ADCY5: variants seen among roughly 807,000 people sequenced by gnomAD.
The protein encoded by ADCY5 is adenylate cyclase 5, also known as adenylate cyclase type 5.
ADCY5 carries 30 observed loss-of-function variants against 119.7 expected under a neutral mutation model. The observed-to-expected ratio is 0.25, with a 90% confidence interval of 0.19 to 0.34. ADCY5 has a LOEUF of 0.34. Among genes scored for constraint, ADCY5 ranks in the 10% least tolerant of loss-of-function variants. ADCY5 has a pLI of 1.00. For synonymous variants in ADCY5, 753 were observed against 762.2 expected (o/e 0.99, Z 0.20); for missense variants, 1,324 against 1,775.2 (o/e 0.75, Z 4.57).
rs76135430 is a variant in ADCY5, at chr3:123,282,616, A to G, written c.*1992T>C. The G allele has an allele frequency of 6.4e-3, 972 of 152,568 alleles. 13 individuals carry two copies. The highest frequency in any genetic ancestry group is 0.022 in the African/African-American group (898 of 41,580). The allele number at this position is 152,568 out of a possible 1,614,324, so 9.5% of individuals were successfully genotyped here. ...TGGAGGGGCAGGGAACTTGAGAACA[A>G]CAGCTGGAAGAAAGCAGGCCTCCTG... On this transcript the variant is annotated 3_prime_UTR_variant, in exon 21 of 21. Transcript: ENST00000462833.
chr3:123,358,146 C>T (rs1258249373), intron 1 of ADCY5, among the ~76,000 whole-genome samples: 2 of 128,498 alleles, frequency 1.6e-5, no homozygotes, highest in Admixed American at 7.6e-5. Context: ...CATCTAACCA[C>T]ATGGAACACG....
chr3:123,341,912 A>G (rs113602845), intron 3 of ADCY5, among the ~76,000 whole-genome samples: 6 of 152,048 alleles, frequency 3.9e-5, no homozygotes, highest in African/African-American at 1.4e-4. Flanking sequence ...CTGGTACGGG[A>G]GTAGAGTTCA....
At chr3:123,299,028 G>A (rs13074563) in intron 15 of ADCY5, among the ~76,000 whole-genome samples, 1 of 152,078 alleles carries the variant, frequency 6.6e-6, no homozygotes, top group Non-Finnish European at 1.5e-5. Flanking sequence ...CCCGAGTGAA[G>A]AATCTTATCT....
At chr3:123,397,352 C>T (rs72966542) in intron 1 of ADCY5, among the ~76,000 whole-genome samples, 2,278 of 152,348 alleles carry the variant, frequency 0.015, 71 homozygotes, top group African/African-American at 0.052. Flanking sequence ...ATCACCATGG[C>T]TGGCCAGGCG....
intron 1 of ADCY5, among the ~76,000 whole-genome samples, chr3:123,376,699 C>T (rs905525488): frequency 8.5e-5 from 13 of 152,092 alleles, no homozygotes; most frequent in African/African-American, 2.7e-4. Flanking sequence ...GAGTGGCTGG[C>T]GTGAGTGAAG....
intron 1 of ADCY5, among the ~76,000 whole-genome samples, chr3:123,418,191 C>G (rs1415382294): frequency 6.6e-6 from 1 of 152,202 alleles, no homozygotes; most frequent in African/African-American, 2.4e-5. Context: ...CCCACCATCC[C>G]TGGCATGAGG....
chr3:123,420,559 C>A (rs555824670), intron 1 of ADCY5, among the ~76,000 whole-genome samples: 1 of 152,212 alleles, frequency 6.6e-6, no homozygotes, highest in East Asian at 1.9e-4. Context: ...TTCTCCTACA[C>A]GGCCAAGAGC....
At chr3:123,335,811 C>T (rs999049794) in intron 3 of ADCY5, among the ~76,000 whole-genome samples, 9 of 152,328 alleles carry the variant, frequency 5.9e-5, no homozygotes, top group Middle Eastern at 3.4e-3. Flanking sequence ...AGGAGAAGCA[C>T]AGGAGGGCAG....
intron 18 of ADCY5, among the ~76,000 whole-genome samples, 180 bp downstream of exon 18, chr3:123,290,933 G>A (rs532984533): frequency 6.6e-6 from 1 of 152,222 alleles, no homozygotes; most frequent in Non-Finnish European, 1.5e-5. Flanking sequence ...GAGGCCATGT[G>A]TGCAAGGTGC....
intron 2 of ADCY5, among the ~76,000 whole-genome samples, chr3:123,350,649 C>G (rs1175665678): frequency 6.6e-6 from 1 of 152,232 alleles, no homozygotes; most frequent in African/African-American, 2.4e-5. Context: ...TTCTGCACGC[C>G]TTGCTGGCTA....
chr3:123,288,675 T>C (rs1381985486), intron 19 of ADCY5, among the ~76,000 whole-genome samples: 2 of 152,262 alleles, frequency 1.3e-5, no homozygotes, highest in African/African-American at 4.8e-5. Context: ...GGTTTTCATT[T>C]TACCATTCAT....
intron 1 of ADCY5, among the ~76,000 whole-genome samples, chr3:123,426,479 A>C (rs1945416683): frequency 6.6e-6 from 1 of 151,574 alleles, no homozygotes; most frequent in Admixed American, 6.6e-5. Context: ...GTGCGCCACC[A>C]AGCCAGGCTA....
chr3:123,330,614 C>T (rs1303267099), intron 5 of ADCY5, among the ~76,000 whole-genome samples: 1 of 152,214 alleles, frequency 6.6e-6, no homozygotes. Flanking sequence ...ACATGGCTGC[C>T]AGCCTCTCCT....
intron 10 of ADCY5, among the ~76,000 whole-genome samples, chr3:123,318,854 G>A (rs936115219): frequency 2.0e-5 from 3 of 152,168 alleles, no homozygotes; most frequent in African/African-American, 7.2e-5. Context: ...GCCGAAAGCA[G>A]GTCCCCCAAC....
At chr3:123,442,795 C>G (rs1429535138) in intron 1 of ADCY5, among the ~76,000 whole-genome samples, 1 of 152,198 alleles carries the variant, frequency 6.6e-6, no homozygotes, top group Non-Finnish European at 1.5e-5. Flanking sequence ...CTGCTCTCCT[C>G]CAAATACCCA....
chr3:123,438,893 C>A (rs541066409), intron 1 of ADCY5, among the ~76,000 whole-genome samples: 2 of 151,800 alleles, frequency 1.3e-5, no homozygotes, highest in Admixed American at 1.3e-4. Context: ...ACTATAGGTG[C>A]GTTCCACCAC....
intron 1 of ADCY5, among the ~76,000 whole-genome samples, chr3:123,385,310 C>CAT (rs1553742302): frequency 1.3e-4 from 19 of 151,864 alleles, no homozygotes; most frequent in African/African-American, 4.3e-4. Flanking sequence ...CACACACACA[C>CAT]GCACGCACGA....
chr3:123,448,197 G>T lies in ADCY5; in HGVS notation c.349C>A (p.Arg117=). 8.1e-7 allele frequency: 1 copy of T among 1,239,932 alleles called. No individual in the cohort carries two copies. The allele number at this position is 1,239,932 out of a possible 1,614,324, so 76.8% of individuals were successfully genotyped here. The part of the protein sequence containing the change: ...GGDDCGRGSR[R]QRRGAASGGS... ...CCGCTGGCCGCGCCCCGCCGCTGCCGGCGGCTGCCGCGACCGCAGTCGTCG... is the reference window on the plus strand; with the variant it reads ...CCGCTGGCCGCGCCCCGCCGCTGCCTGCGGCTGCCGCGACCGCAGTCGTCG... The change falls in exon 1 of 21, where the codon CGG becomes AGG. Residue 117 remains arginine, a synonymous_variant. Transcript: ENST00000462833.
intron 1 of ADCY5, among the ~76,000 whole-genome samples, chr3:123,373,119 A>G (rs1943692788): frequency 6.6e-6 from 1 of 152,248 alleles, no homozygotes; most frequent in African/African-American, 2.4e-5. Context: ...TGGAGCTGCC[A>G]GTACCTCCAC....
Sources: gnomAD v4.1 joint callset for allele counts (sites outside exome capture counted in the v4.1 genomes callset) on GRCh38, gnomAD v4.1.1 for gene constraint, MANE v1.5 for transcripts, NCBI Gene and HGNC (gene_info 2026-07-23, HGNC 2026-07-21) for gene names.